MYLK: variants seen among roughly 807,000 people sequenced by gnomAD.
MYLK encodes myosin light chain kinase, smooth muscle.
Under a neutral mutation model 203.4 loss-of-function variants are expected in MYLK, and 106 were observed. The ratio of observed to expected loss-of-function variants is 0.52; its 90% CI spans 0.45 to 0.61. The LOEUF is 0.61. MYLK is among the 20% of genes least tolerant of loss of function. The pLI, the probability that MYLK is intolerant of heterozygous loss-of-function variation, is 0.00. For synonymous variants in MYLK, 867 were observed against 959.5 expected, an observed-to-expected ratio of 0.90 and a Z score of 1.78; for missense variants, 2,072 against 2,442.3, an observed-to-expected ratio of 0.85 and a Z score of 3.20.
Position 123,647,393 on chromosome 3 carries a change from T to G in MYLK, c.4450A>C (p.Lys1484Gln). Reference protein sequence around the residue: ...KFGQVFRLVEKKTRKVWAGKF... With the variant: ...KFGQVFRLVEQKTRKVWAGKF... ...CCTGCCCAGACTTTTCGAGTTTTCT[T>G]TTCTACAAGTCGAAAGACCTGTCCA... is the stretch of plus-strand genomic sequence containing the variant. Residue 1484 changes from lysine (K) to glutamine (Q), a missense_variant, in exon 27 of 34, where the codon AAG (lysine) becomes CAG (glutamine). By Grantham distance (53) the Lys-to-Gln change is moderately conservative (BLOSUM62 1). Coordinates refer to ENST00000360304, the MANE Select transcript of MYLK (RefSeq NM_053025.4). 6.2e-7 allele frequency: 1 copy of G among 1,614,246 alleles called. No individual in the cohort carries two copies. Among genetic ancestry groups the G allele is most frequent in the Non-Finnish European group, 8.5e-7 (1 of 1,180,032 alleles).
At chr3:123,824,948 A>T (rs1227132540) in intron 3 of MYLK, among the ~76,000 whole-genome samples, 1 of 152,092 alleles carries the variant, frequency 6.6e-6, no homozygotes, top group Non-Finnish European at 1.5e-5. Context: ...CAGGAGTTTG[A>T]GGCCAGCCCT....
chr3:123,747,989 G>A (rs1025803314), intron 5 of MYLK, among the ~76,000 whole-genome samples: 3 of 152,194 alleles, frequency 2.0e-5, no homozygotes, highest in African/African-American at 7.2e-5. Flanking sequence ...CCACCTGTTA[G>A]TCTGTTCTCG....
chr3:123,715,034 A>G (rs555064690), intron 13 of MYLK, among the ~76,000 whole-genome samples: 87 of 152,286 alleles, frequency 5.7e-4, no homozygotes, highest in Non-Finnish European at 1.1e-3. Flanking sequence ...AGAGAGGGGG[A>G]AAAGGGAAGC....
chr3:123,733,279 G>C (rs1171805656), intron 10 of MYLK, among the ~76,000 whole-genome samples, 177 bp from the exon 11 acceptor site: 1 of 152,142 alleles, frequency 6.6e-6, no homozygotes, highest in Non-Finnish European at 1.5e-5. Context: ...GAAACCTCTT[G>C]AGAGAGTCAG....
chr3:123,866,689 A>G (rs1406279009), intron 2 of MYLK, among the ~76,000 whole-genome samples: 2 of 152,080 alleles, frequency 1.3e-5, no homozygotes, highest in African/African-American at 4.8e-5. Flanking sequence ...AAAATACCAC[A>G]TTGTCCCCTC....
At chr3:123,819,474 C>T (rs933683150) in intron 3 of MYLK, among the ~76,000 whole-genome samples, 24 of 152,266 alleles carry the variant, frequency 1.6e-4, no homozygotes, top group African/African-American at 5.8e-4. Flanking sequence ...TTATCTCTAC[C>T]CCATGAGTCT....
intron 20 of MYLK, among the ~76,000 whole-genome samples, chr3:123,667,899 G>A (rs145795740): frequency 6.6e-6 from 1 of 152,286 alleles, no homozygotes; most frequent in East Asian, 1.9e-4. Flanking sequence ...CTTTGGTGTG[G>A]ATCCAAGGGT....
At chr3:123,826,548 C>T (rs1227683849) in intron 3 of MYLK, among the ~76,000 whole-genome samples, 1 of 152,210 alleles carries the variant, frequency 6.6e-6, no homozygotes, top group Non-Finnish European at 1.5e-5. Context: ...GCATCCTGTC[C>T]TGAGTCTGAA....
intron 4 of MYLK, among the ~76,000 whole-genome samples, chr3:123,766,736 CG>C (rs1331740856): frequency 6.6e-6 from 1 of 152,258 alleles, no homozygotes; most frequent in Non-Finnish European, 1.5e-5. Context: ...CAGCCACTTC[CG>C]CCTGATCTAT....
chr3:123,662,927 A>G (rs114441229), intron 23 of MYLK, among the ~76,000 whole-genome samples: 1,525 of 152,240 alleles, frequency 0.01, 24 homozygotes, highest in African/African-American at 0.035. Flanking sequence ...CCCTTTTTCT[A>G]ATTTTCACAA....
In MYLK at chr3:123,875,015, C is replaced by T. The variant is rs990639071; in HGVS notation, c.-127+1544G>A. Among the ~76,000 whole-genome samples the T allele has an allele frequency of 1.3e-4, 20 of 152,156 alleles. 1 individual carries two copies. Among genetic ancestry groups the T allele is most frequent in the Admixed American group, 2.6e-4 (4 of 15,272 alleles). On this transcript the variant is annotated intron_variant, in intron 2 of 33. Coordinates refer to ENST00000360304, the MANE Select transcript of MYLK (RefSeq NM_053025.4). ...TGACAAAGATGTGGAAAATATAACC[C>T]TCATATATTACTACCAGGAATGCAA...
At chr3:123,709,495 T>C (rs2061607396) in intron 14 of MYLK, 1 of 473,604 alleles carries the variant, frequency 2.1e-6, no homozygotes, top group Non-Finnish European at 3.9e-6. Flanking sequence ...GGCCACACTA[T>C]ATTTTCAAAT....
At chr3:123,774,495 A>C (rs1410353056) in intron 4 of MYLK, among the ~76,000 whole-genome samples, 2 of 152,128 alleles carry the variant, frequency 1.3e-5, no homozygotes, top group African/African-American at 4.8e-5. Context: ...ATAGGTAAGA[A>C]AAAAAAATCT....
intron 8 of MYLK, 104 bp downstream of exon 8, chr3:123,737,274 G>A (rs752889090): frequency 1.0e-5 from 15 of 1,445,350 alleles, no homozygotes; most frequent in Admixed American, 1.7e-5. Flanking sequence ...GTGTGAGTGG[G>A]CCAGGTGTAT....
Position 123,648,907 on chromosome 3 carries a change from C to G in MYLK, c.4415+64G>C. ...GCAACAGGAAGCTGAGGCACTGAATCTAACTGTGAGACCCGCACCACCCTC... is the reference window on the plus strand; with the variant it reads ...GCAACAGGAAGCTGAGGCACTGAATGTAACTGTGAGACCCGCACCACCCTC... On this transcript the variant is annotated intron_variant, in intron 26 of 33. Transcript: ENST00000360304. This position sits in a 1 kb window ranked among gnomAD's most constrained non-coding sequence, Gnocchi z 4.5. 5.0e-6 allele frequency: 7 copies of G among 1,408,356 alleles called. No individual in the cohort carries two copies. The highest frequency in any genetic ancestry group is 4.6e-5 in the South Asian group (4 of 86,484). 87.2% of individuals were successfully genotyped at this position (1,408,356 alleles called of 1,614,324 possible). A position where few individuals can be genotyped will look rare whatever the true frequency, so the allele number is the denominator to read the frequency against.
chr3:123,873,568 A>G (rs1022738303), intron 2 of MYLK, among the ~76,000 whole-genome samples: 1 of 152,186 alleles, frequency 6.6e-6, no homozygotes, highest in Non-Finnish European at 1.5e-5. Context: ...AAAAGCTACT[A>G]GAACTAATAA....
intron 20 of MYLK, among the ~76,000 whole-genome samples, chr3:123,674,623 T>C (rs1225257396): frequency 6.6e-6 from 1 of 152,258 alleles, no homozygotes; most frequent in African/African-American, 2.4e-5. Flanking sequence ...AAACATAGAT[T>C]CTTGGCTTCC....
intron 2 of MYLK, among the ~76,000 whole-genome samples, chr3:123,872,351 A>G (rs1158540074): frequency 3.9e-5 from 6 of 152,100 alleles, no homozygotes; most frequent in Non-Finnish European, 8.8e-5. Flanking sequence ...ATACCAACTG[A>G]ATCTCTCTCT....
intron 18 of MYLK, among the ~76,000 whole-genome samples, chr3:123,693,253 T>A (rs551012953): frequency 6.6e-6 from 1 of 152,280 alleles, no homozygotes; most frequent in East Asian, 1.9e-4. Flanking sequence ...TACAGACCTG[T>A]GTTAGGAACA....
Sources: allele counts gnomAD v4.1 joint callset (sites outside exome capture counted in the v4.1 genomes callset), GRCh38; gene constraint gnomAD v4.1.1; non-coding constraint Gnocchi (gnomAD v3.1); transcripts MANE v1.5; gene names NCBI Gene and HGNC (gene_info 2026-07-23, HGNC 2026-07-21).